Variants in TOR1AIP1 observed in about 807,000 individuals in gnomAD.
TOR1AIP1 encodes torsin-1A-interacting protein 1.
In TOR1AIP1, 54 loss-of-function variants were observed where a neutral mutation model predicts 63.3. That is an observed-to-expected ratio of 0.85 (90% CI 0.69 to 1.07). The LOEUF (loss-of-function observed/expected upper bound fraction) is 1.07. Ranked by LOEUF, TOR1AIP1 falls within the 50% of genes least tolerant of loss-of-function variation. The pLI, the probability that TOR1AIP1 is intolerant of heterozygous loss-of-function variation, is 0.00. For synonymous variants in TOR1AIP1, 294 were observed against 273.5 expected (o/e 1.07, Z -0.74); for missense variants, 736 against 715.0 (o/e 1.03, Z -0.33).
rs1649120077 is a variant in TOR1AIP1, at chr1:179,919,281, G to A, written c.*1042G>A. The A allele has an allele frequency of 6.6e-6, 1 of 151,772 alleles. No individual in the cohort carries two copies. Among genetic ancestry groups the A allele is most frequent in the Admixed American group, 6.6e-5 (1 of 15,210 alleles). The allele number at this position is 151,772 out of a possible 1,614,324, so 9.4% of individuals were successfully genotyped here. The stretch of plus-strand genomic sequence containing the variant: ...ACTCCGTCTCAAAAAAAAAAAAGTA[G>A]GTCAATTCGTAACAGTTTATTTTGG... On this transcript the variant is annotated 3_prime_UTR_variant, in exon 10 of 10. Transcript: ENST00000606911.
At position 179,919,253 on chromosome 1, in the gene TOR1AIP1, G is replaced by C. The variant is rs996240743; in HGVS notation, c.*1014G>C. ...GCCCTCCAGTCTGGGCAACAAAAAT[G>C]AAACTCCGTCTCAAAAAAAAAAAAG... On this transcript the variant is annotated 3_prime_UTR_variant, in exon 10 of 10. Transcript: ENST00000606911. 1 of 151,508 alleles carries C rather than the reference G, an allele frequency of 6.6e-6. No individual in the cohort carries two copies. Among genetic ancestry groups the C allele is most frequent in the Admixed American group, 6.6e-5 (1 of 15,210 alleles). 9.4% of individuals were successfully genotyped at this position (151,508 alleles called of 1,614,324 possible).
chr1:179,909,431 G>A (rs1406194283), intron 8 of TOR1AIP1, among the ~76,000 whole-genome samples: 2 of 146,426 alleles, frequency 1.4e-5, no homozygotes, highest in African/African-American at 2.5e-5. Context: ...TTGTTTTTGA[G>A]ATGGAGTCTT....
At chr1:179,912,163 G>C (rs1009260258) in intron 8 of TOR1AIP1, among the ~76,000 whole-genome samples, 5 of 151,654 alleles carry the variant, frequency 3.3e-5, no homozygotes, top group African/African-American at 1.2e-4. Context: ...CAAGTAGCTG[G>C]TGGTGCACCA....
At chr1:179,914,596 C>T (rs1273666982) in intron 9 of TOR1AIP1, among the ~76,000 whole-genome samples, 1 of 152,042 alleles carries the variant, frequency 6.6e-6, no homozygotes, top group East Asian at 1.9e-4. Context: ...GAGATCGAAA[C>T]CATCCTGGCC....
intron 1 of TOR1AIP1, among the ~76,000 whole-genome samples, chr1:179,883,334 C>A (rs1647801755): frequency 6.6e-6 from 1 of 152,194 alleles, no homozygotes; most frequent in South Asian, 2.1e-4. Context: ...GTTCCCTCTA[C>A]CCTGCGGATG....
chr1:179,909,092 C>T (rs998081243), intron 8 of TOR1AIP1, among the ~76,000 whole-genome samples: 2 of 151,778 alleles, frequency 1.3e-5, no homozygotes, highest in Admixed American at 6.6e-5. Context: ...ACCCAGGAGG[C>T]GGAGCTTGCA....
chr1:179,892,525 C>T (rs1220374685), intron 3 of TOR1AIP1, among the ~76,000 whole-genome samples: 1 of 151,270 alleles, frequency 6.6e-6, no homozygotes, highest in African/African-American at 2.4e-5. Flanking sequence ...ATCACAAGGT[C>T]AGGAGATCGA....
intron 1 of TOR1AIP1, 104 bp downstream of exon 1, chr1:179,883,081 G>C: frequency 9.3e-7 from 1 of 1,072,638 alleles, no homozygotes; most frequent in Non-Finnish European, 1.4e-6. Flanking sequence ...TAAGTACTGG[G>C]ATTGGCTAAA....
intron 1 of TOR1AIP1, chr1:179,883,688 T>C (rs1397099260): frequency 2.2e-6 from 1 of 456,188 alleles, no homozygotes; most frequent in Non-Finnish European, 4.4e-6. Context: ...CAAATCAGAC[T>C]GACAAAGTAA....
chr1:179,906,743 C>CTT (rs1249664244), intron 6 of TOR1AIP1, among the ~76,000 whole-genome samples: 1 of 39,850 alleles, frequency 2.5e-5, no homozygotes, highest in African/African-American at 8.4e-5. Context: ...CCCCCCCCCC[C>CTT]TTTTTTTTTT....
At chr1:179,899,943 C>T (rs1270994598) in intron 3 of TOR1AIP1, among the ~76,000 whole-genome samples, 183 bp from the exon 4 acceptor site, 1 of 152,208 alleles carries the variant, frequency 6.6e-6, no homozygotes, top group African/African-American at 2.4e-5. Flanking sequence ...CTGCACCCGG[C>T]CAATTCTTAG....
intron 2 of TOR1AIP1, among the ~76,000 whole-genome samples, chr1:179,888,190 C>G (rs1433711954): frequency 6.6e-6 from 1 of 152,076 alleles, no homozygotes; most frequent in Non-Finnish European, 1.5e-5. Flanking sequence ...CCTGAAAAGG[C>G]TAGAAGTATA....
At chr1:179,894,152 G>C (rs1648191472) in intron 3 of TOR1AIP1, among the ~76,000 whole-genome samples, 1 of 150,664 alleles carries the variant, frequency 6.6e-6, no homozygotes, top group Admixed American at 6.6e-5. Context: ...TTGGGAGGCT[G>C]AGGCAGGAGA....
chr1:179,908,160 G>A (rs533049878), intron 7 of TOR1AIP1, among the ~76,000 whole-genome samples: 1 of 151,954 alleles, frequency 6.6e-6, no homozygotes, highest in South Asian at 2.1e-4. Context: ...CACCTGCCTC[G>A]GCCTCCCAAA....
chr1:179,892,781 GAAA>G (rs1648138374), intron 3 of TOR1AIP1, among the ~76,000 whole-genome samples: 3 of 151,348 alleles, frequency 2.0e-5, no homozygotes, highest in African/African-American at 7.3e-5. Flanking sequence ...ACTTGGAACT[GAAA>G]TAACCTAACA....
intron 5 of TOR1AIP1, among the ~76,000 whole-genome samples, chr1:179,902,046 G>C (rs1479844722): frequency 8.7e-6 from 1 of 115,350 alleles, no homozygotes; most frequent in East Asian, 2.5e-4. Flanking sequence ...TTTTTTTTAA[G>C]GCAGAGTCTC....
intron 8 of TOR1AIP1, among the ~76,000 whole-genome samples, chr1:179,910,554 CCTG>C (rs1648801496): frequency 6.6e-6 from 1 of 152,128 alleles, no homozygotes; most frequent in Admixed American, 6.5e-5. Context: ...TGATTATGTG[CCTG>C]CTATTAGAAA....
At chr1:179,913,036 C>T (rs1266223190) in intron 8 of TOR1AIP1, among the ~76,000 whole-genome samples, 1 of 152,130 alleles carries the variant, frequency 6.6e-6, no homozygotes, top group Non-Finnish European at 1.5e-5. Context: ...CTTCCATTTC[C>T]TCTCTTAGAT....
At position 179,918,119 on chromosome 1, in the gene TOR1AIP1, C is replaced by A. The variant is rs1649082515; in HGVS notation, c.1632C>A (p.Asn544Lys). 1 of 1,613,930 alleles carries A rather than the reference C, an allele frequency of 6.2e-7. No individual in the cohort carries two copies. The highest frequency in any genetic ancestry group is 1.3e-5 in the African/African-American group (1 of 74,942). The change falls in exon 10 of 10, where the codon AAC becomes AAA. Residue 544 changes from asparagine to lysine, a missense_variant. By Grantham distance (94) the Asn-to-Lys change is moderately conservative (BLOSUM62 0). This residue lies in a region of TOR1AIP1 where 272 missense variants were observed against 344.1 expected (regional missense o/e 0.79). Coordinates refer to ENST00000606911, the MANE Select transcript of TOR1AIP1 (RefSeq NM_015602.4). ...TTAAAGTCAAGTTCACCAATTCTAA[C>A]ACACCCAACTCCTACAATCATATGG... ...DFLKVKFTNSNTPNSYNHMDP... is the reference protein window; with the variant it reads ...DFLKVKFTNSKTPNSYNHMDP...
Sources: allele counts gnomAD v4.1 joint callset (sites outside exome capture counted in the v4.1 genomes callset), GRCh38; gene constraint gnomAD v4.1.1; regional missense constraint gnomAD v4.1.1; transcripts MANE v1.5; gene names NCBI Gene and HGNC (gene_info 2026-07-23, HGNC 2026-07-21).